TNFAIP8: variants seen among roughly 807,000 people sequenced by gnomAD.
TNFAIP8 encodes the protein TNF alpha induced protein 8.
In TNFAIP8, 7 loss-of-function variants were observed where a neutral mutation model predicts 13.3. That is an observed-to-expected ratio of 0.52 (90% CI 0.30 to 0.99). TNFAIP8 has a LOEUF of 0.99. Among genes scored for constraint, TNFAIP8 ranks in the 50% least tolerant of loss-of-function variants. TNFAIP8 has a pLI of 0.07. For missense variants in TNFAIP8, 258 were observed against 236.9 expected, an observed-to-expected ratio of 1.09 and a Z score of -0.58; for synonymous variants, 94 against 87.6, an observed-to-expected ratio of 1.07 and a Z score of -0.41.
intron 1 of TNFAIP8, among the ~76,000 whole-genome samples, chr5:119,364,366 C>T (rs1488411192): frequency 1.3e-5 from 2 of 152,164 alleles, no homozygotes; most frequent in South Asian, 2.1e-4. Flanking sequence ...ACAAAAGATG[C>T]ACCTATCACT....
At chr5:119,275,134 A>G (rs569894350) in intron 1 of TNFAIP8, among the ~76,000 whole-genome samples, 2 of 152,206 alleles carry the variant, frequency 1.3e-5, no homozygotes, top group East Asian at 1.9e-4. Flanking sequence ...ATGAACACCT[A>G]TGTACCCATC....
chr5:119,325,507 G>A (rs185599793), intron 1 of TNFAIP8, among the ~76,000 whole-genome samples: 20 of 152,254 alleles, frequency 1.3e-4, no homozygotes, highest in Admixed American at 9.8e-4. Flanking sequence ...GAGTGTAGTG[G>A]TGCGATCTCA....
chr5:119,365,305 C>T (rs1209510880), intron 1 of TNFAIP8, among the ~76,000 whole-genome samples: 1 of 152,128 alleles, frequency 6.6e-6, no homozygotes, highest in Non-Finnish European at 1.5e-5. Context: ...ACTCTTAGGA[C>T]TTTAGTCTTA....
intron 1 of TNFAIP8, among the ~76,000 whole-genome samples, chr5:119,367,446 G>C (rs1403046981): frequency 6.6e-6 from 1 of 152,204 alleles, no homozygotes; most frequent in Non-Finnish European, 1.5e-5. Flanking sequence ...GAATAGTATA[G>C]AACCTACCAG....
At chr5:119,351,604 TC>T (rs1165951202), upstream of TNFAIP8, among the ~76,000 whole-genome samples, 1 of 152,198 alleles carries the variant, frequency 6.6e-6, no homozygotes, top group African/African-American at 2.4e-5. Context: ...GATGGTTTTA[TC>T]CTGATGTAGC....
chr5:119,355,457 C>T (rs1751353657), upstream of TNFAIP8: 2 of 675,614 alleles, frequency 3.0e-6, no homozygotes, highest in Admixed American at 2.1e-5. Context: ...AAATTGTGCT[C>T]TCTTAAGCTG....
chr5:119,271,489 C>T (rs1221860730), intron 1 of TNFAIP8, among the ~76,000 whole-genome samples: 3 of 152,208 alleles, frequency 2.0e-5, no homozygotes, highest in Non-Finnish European at 4.4e-5. Context: ...ATGGTCCATT[C>T]CTCACTGCCT....
chr5:119,321,317 T>G (rs905581436), intron 1 of TNFAIP8, among the ~76,000 whole-genome samples: 15 of 152,202 alleles, frequency 9.9e-5, no homozygotes, highest in African/African-American at 3.4e-4. Context: ...TGAATTGGTT[T>G]TTTTTGTTCA....
rs1400854667 is a variant in TNFAIP8 at position 119,393,864 on chromosome 5, T to G, written c.*483T>G. 1 of 156,480 alleles carries G rather than the reference T, an allele frequency of 6.4e-6. No homozygotes were observed. Among genetic ancestry groups the G allele is most frequent in the Non-Finnish European group, 1.4e-5 (1 of 70,520 alleles). 9.7% of individuals were successfully genotyped at this position (156,480 alleles called of 1,614,324 possible). A position where few individuals can be genotyped will look rare whatever the true frequency, so the allele number is the denominator to read the frequency against. ...CAATTTTCATGTCTACAGCTGACTG[T>G]TTTGTTAAGATTGAGTCATCGACAT... On this transcript the variant is annotated 3_prime_UTR_variant, in exon 2 of 2. Coordinates refer to ENST00000504771, the MANE Select transcript of TNFAIP8 (RefSeq NM_014350.4).
intron 1 of TNFAIP8, among the ~76,000 whole-genome samples, chr5:119,345,536 A>G (rs541350383): frequency 6.6e-6 from 1 of 152,382 alleles, no homozygotes; most frequent in South Asian, 2.1e-4. Context: ...AAAGGAAGAA[A>G]GGAAGGAAAG....
intron 1 of TNFAIP8, among the ~76,000 whole-genome samples, chr5:119,326,237 C>T (rs943930361): frequency 1.3e-5 from 2 of 152,112 alleles, no homozygotes; most frequent in African/African-American, 4.8e-5. Context: ...GTGATGGTTA[C>T]CTCTTGGAGC....
intron 1 of TNFAIP8, among the ~76,000 whole-genome samples, chr5:119,278,055 G>A (rs1484163016): frequency 6.6e-6 from 1 of 152,018 alleles, no homozygotes; most frequent in East Asian, 1.9e-4. Context: ...ATAGCAGGAG[G>A]GACACAATTC....
chr5:119,385,890 A>G (rs776592288), intron 1 of TNFAIP8, among the ~76,000 whole-genome samples: 5 of 152,260 alleles, frequency 3.3e-5, no homozygotes, highest in Non-Finnish European at 5.9e-5. Flanking sequence ...TGTGAAACAC[A>G]TCTATGTGGT....
intron 1 of TNFAIP8, among the ~76,000 whole-genome samples, chr5:119,314,205 A>AC (rs1372771060): frequency 7.3e-4 from 107 of 146,284 alleles, no homozygotes; most frequent in African/African-American, 2.6e-3. Flanking sequence ...AAACAAACAA[A>AC]AAAACCATGT....
chr5:119,367,749 C>G (rs973574953), intron 1 of TNFAIP8, among the ~76,000 whole-genome samples: 1 of 152,038 alleles, frequency 6.6e-6, no homozygotes, highest in Non-Finnish European at 1.5e-5. Flanking sequence ...AAAAATAAAG[C>G]GGGGATTTCT....
intron 1 of TNFAIP8, among the ~76,000 whole-genome samples, chr5:119,282,705 C>T (rs930334570): frequency 6.6e-6 from 1 of 152,148 alleles, no homozygotes; most frequent in African/African-American, 2.4e-5. Flanking sequence ...GGGCATAGAC[C>T]CCAGCCTCTC....
At position 119,317,554 on chromosome 5, in the gene TNFAIP8, TA is replaced by T. The variant is rs1363549246; in HGVS notation, c.1+48648del. Among the ~76,000 whole-genome samples, 430 of 149,666 alleles carry T rather than the reference TA, an allele frequency of 2.9e-3. 1 individual carries two copies. The highest frequency in any genetic ancestry group is 1.8e-3 in the Non-Finnish European group (123 of 67,516). On this transcript the variant is annotated intron_variant, in intron 1 of 1. Transcript: ENST00000274456. ...TTTCATAGCAGGTTATATTGACCTA[TA>T]TTTATCATCAAATATTTACCTTATA... is the stretch of plus-strand genomic sequence containing the variant.
intron 1 of TNFAIP8, among the ~76,000 whole-genome samples, chr5:119,295,910 C>G (rs571877805): frequency 0.073 from 10,990 of 151,348 alleles, 504 homozygotes; most frequent in Middle Eastern, 0.12. Context: ...TGGGAGTTCA[C>G]TCATGATTTG....
At chr5:119,388,280 A>G (rs941822433) in intron 1 of TNFAIP8, among the ~76,000 whole-genome samples, 3 of 152,372 alleles carry the variant, frequency 2.0e-5, no homozygotes, top group Middle Eastern at 3.4e-3. Flanking sequence ...GAGGGAAGAA[A>G]AACCACATGT....
Sources: gnomAD v4.1 joint callset for allele counts (sites outside exome capture counted in the v4.1 genomes callset) on GRCh38, gnomAD v4.1.1 for gene constraint, MANE v1.5 for transcripts, NCBI Gene and HGNC (gene_info 2026-07-23, HGNC 2026-07-21) for gene names.